ANKRD44: variants seen among roughly 807,000 people sequenced by gnomAD.
The protein encoded by ANKRD44 is ankyrin repeat domain 44.
In ANKRD44, 35 loss-of-function variants were observed where a neutral mutation model predicts 116.0. That is an observed-to-expected ratio of 0.30 (90% CI 0.23 to 0.40). ANKRD44 has a LOEUF of 0.40. Among genes scored for constraint, ANKRD44 ranks in the 10% least tolerant of loss-of-function variants. ANKRD44 has a pLI of 1.00. For synonymous variants in ANKRD44, 435 were observed against 461.8 expected, an observed-to-expected ratio of 0.94 and a Z score of 0.74; for missense variants, 1,014 against 1,242.6, an observed-to-expected ratio of 0.82 and a Z score of 2.77.
At chr2:197,233,965 TAAC>T (rs1417897256) in intron 1 of ANKRD44, among the ~76,000 whole-genome samples, 1 of 152,262 alleles carries the variant, frequency 6.6e-6, no homozygotes, top group Non-Finnish European at 1.5e-5. Flanking sequence ...TGCCTATAGT[TAAC>T]AATACTGCAT....
chr2:196,987,974 A>G lies in ANKRD44; in HGVS notation c.*1617T>C, dbSNP rs970826620. Reference sequence around the variant, plus strand: ...CTTGGGGTATGGGAGAAAGAGAAAGAGAGGAAGAGAGAGAGAGAGAGATCA... The same window carrying G: ...CTTGGGGTATGGGAGAAAGAGAAAGGGAGGAAGAGAGAGAGAGAGAGATCA... On this transcript the variant is annotated 3_prime_UTR_variant, in exon 28 of 28. Transcript: ENST00000282272. 2 of 985,270 alleles carry G rather than the reference A, an allele frequency of 2.0e-6. No individual in the cohort carries two copies. The highest frequency in any genetic ancestry group is 3.5e-5 in the African/African-American group (2 of 57,232). 61.0% of individuals were successfully genotyped at this position (985,270 alleles called of 1,614,324 possible).
At chr2:197,089,656 C>G (rs1032854706) in intron 11 of ANKRD44, among the ~76,000 whole-genome samples, 2 of 152,212 alleles carry the variant, frequency 1.3e-5, no homozygotes, top group African/African-American at 4.8e-5. Flanking sequence ...TGTGATGTAA[C>G]CTTTCTGTAA....
chr2:197,013,560 G>C lies in ANKRD44; in HGVS notation c.1875C>G (p.Ser625=). ...CVEALINQGA[S]IFVKDNVTKR... The stretch of plus-strand genomic sequence containing the variant: ...TGGTTACATTGTCTTTCACAAAGAT[G>C]GATGCGCCCTGATTGATAAGCGCTT... The change falls in exon 18 of 28, where the codon TCC becomes TCG. Residue 625 remains serine (S), a synonymous_variant. Transcript: ENST00000282272. The C allele has an allele frequency of 6.2e-7, 1 of 1,614,208 alleles. No individual in the cohort carries two copies. The highest frequency in any genetic ancestry group is 8.5e-7 in the Non-Finnish European group (1 of 1,180,046).
chr2:197,152,289 G>T (rs1245222839), intron 2 of ANKRD44, among the ~76,000 whole-genome samples: 2 of 152,192 alleles, frequency 1.3e-5, no homozygotes, highest in Admixed American at 1.3e-4. Flanking sequence ...GAATATAAGT[G>T]GGGAAAATAA....
intron 8 of ANKRD44, among the ~76,000 whole-genome samples, chr2:197,119,144 T>C (rs940136778): frequency 2.8e-5 from 4 of 145,212 alleles, no homozygotes; most frequent in Non-Finnish European, 6.1e-5. Flanking sequence ...AGAGGTTTTA[T>C]TGTTGTTGTT....
At position 197,137,885 on chromosome 2, in the gene ANKRD44, G is replaced by A. The variant is rs118123738; in HGVS notation, c.191-1223C>T. 8.5e-5 allele frequency among the ~76,000 whole-genome samples: 13 copies of A among 152,244 alleles called. No homozygotes were observed. The East Asian group carries it at 1.9e-3, about 23-fold the overall frequency. On this transcript the variant is annotated intron_variant, in intron 3 of 27. Transcript: ENST00000282272. ...GCCTGAAGGAGTTCAAGCTCCTTAC[G>A]TCAGTAAGGACCACAGTAAAATCAG... is the stretch of plus-strand genomic sequence containing the variant.
intron 16 of ANKRD44, among the ~76,000 whole-genome samples, chr2:197,037,942 A>T (rs1029190676): frequency 1.3e-5 from 2 of 151,408 alleles, no homozygotes; most frequent in Non-Finnish European, 3.0e-5. Flanking sequence ...ACCTTGTCTT[A>T]AAAAAAAATG....
chr2:197,149,539 T>G (rs773921570), intron 2 of ANKRD44, among the ~76,000 whole-genome samples: 1 of 152,244 alleles, frequency 6.6e-6, no homozygotes, highest in Non-Finnish European at 1.5e-5. Flanking sequence ...AGAATAACTA[T>G]GCGAATTGAT....
At chr2:197,006,987 C>A (rs536245610) in intron 20 of ANKRD44, among the ~76,000 whole-genome samples, 3 of 151,974 alleles carry the variant, frequency 2.0e-5, no homozygotes, top group Non-Finnish European at 4.4e-5. Context: ...CACCTGTGGT[C>A]CCAGTTACTG....
chr2:197,235,889 A>G (rs1436640027), intron 1 of ANKRD44, among the ~76,000 whole-genome samples: 1 of 152,296 alleles, frequency 6.6e-6, no homozygotes, highest in East Asian at 1.9e-4. Context: ...CAAACAAGTC[A>G]TTGTGATTAG....
chr2:197,031,073 A>T (rs771733387), intron 16 of ANKRD44, among the ~76,000 whole-genome samples: 1 of 152,180 alleles, frequency 6.6e-6, no homozygotes, highest in Non-Finnish European at 1.5e-5. Context: ...ACTTTCTAAA[A>T]ATCTACTTTA....
chr2:197,039,850 T>A (rs1427378114), intron 16 of ANKRD44, among the ~76,000 whole-genome samples: 1 of 152,072 alleles, frequency 6.6e-6, no homozygotes, highest in Non-Finnish European at 1.5e-5. Flanking sequence ...TATTGATAGA[T>A]TCCCTATTGT....
intron 1 of ANKRD44, among the ~76,000 whole-genome samples, chr2:197,288,690 A>G (rs1406488385): frequency 2.6e-5 from 4 of 152,162 alleles, no homozygotes; most frequent in African/African-American, 9.7e-5. Context: ...ACATACACAC[A>G]CACACACCAT....
chr2:197,029,725 C>G lies in ANKRD44; in HGVS notation c.1651-4458G>C, dbSNP rs140269730. On this transcript the variant is annotated intron_variant, in intron 16 of 27. Transcript: ENST00000282272. ...GTTTCTCATTTTGTCCTTGCCAGTT[C>G]TTATTTGCTGAGAGGCATAGATCTT... 385 of 268,530 alleles carry G rather than the reference C, an allele frequency of 1.4e-3. 2 individuals carry two copies. The highest frequency in any genetic ancestry group is 8.0e-3 in the African/African-American group (342 of 42,782). 16.6% of individuals were successfully genotyped at this position (268,530 alleles called of 1,614,324 possible).
chr2:197,278,120 A>G (rs2083146090), intron 1 of ANKRD44, among the ~76,000 whole-genome samples: 1 of 152,092 alleles, frequency 6.6e-6, no homozygotes, highest in Admixed American at 6.5e-5. Context: ...TGACTGCAGC[A>G]ATCAGGACAG....
intron 16 of ANKRD44, among the ~76,000 whole-genome samples, chr2:197,076,840 C>G (rs1288031965): frequency 6.6e-6 from 1 of 152,118 alleles, no homozygotes; most frequent in Admixed American, 6.6e-5. Context: ...TGATCTAGTT[C>G]TTTTTTATGG....
At chr2:197,163,907 C>A (rs1328389382) in intron 2 of ANKRD44, among the ~76,000 whole-genome samples, 1 of 152,208 alleles carries the variant, frequency 6.6e-6, no homozygotes, top group Non-Finnish European at 1.5e-5. Context: ...GAATTACAGG[C>A]ATGAAGCTCC....
chr2:197,121,268 T>C (rs2078846671), intron 8 of ANKRD44, 64 bp downstream of exon 8: 8 of 1,472,812 alleles, frequency 5.4e-6, no homozygotes, highest in Middle Eastern at 1.7e-4. Flanking sequence ...TTTGCAGCAG[T>C]TGATTTTGCT....
rs372427945 is a variant in ANKRD44, at chr2:197,078,454, C to T, written c.1650+249G>A. ...AGGCAGAAATGGTACTGCCTTATAT[C>T]GATGACTACCATGCTTTTGTGCTGT... On this transcript the variant is annotated intron_variant, in intron 16 of 27. Coordinates refer to ENST00000282272, the MANE Select transcript of ANKRD44 (RefSeq NM_001195144.2). The T allele has an allele frequency of 5.8e-5, 60 of 1,035,248 alleles. No individual in the cohort carries two copies. In the African/African-American group the frequency reaches 7.7e-4, roughly 13 times the overall value. The allele number at this position is 1,035,248 out of a possible 1,614,324, so 64.1% of individuals were successfully genotyped here.
Sources: gnomAD v4.1 joint callset for allele counts (sites outside exome capture counted in the v4.1 genomes callset) on GRCh38, gnomAD v4.1.1 for gene constraint, MANE v1.5 for transcripts, NCBI Gene and HGNC (gene_info 2026-07-23, HGNC 2026-07-21) for gene names.